Variants in SYNGR4 observed in about 807,000 individuals in gnomAD.
SYNGR4 encodes synaptogyrin-4.
Under a neutral mutation model 15.5 loss-of-function variants are expected in SYNGR4, and 15 were observed. The observed-to-expected ratio is 0.97, with a 90% CI of 0.65 to 1.49. The LOEUF is 1.49. SYNGR4 is among the 40% of genes most tolerant of loss of function. The pLI, the probability that SYNGR4 is intolerant of heterozygous loss-of-function variation, is 0.00. For synonymous variants in SYNGR4, 121 were observed against 127.4 expected (o/e 0.95, Z 0.34); for missense variants, 292 against 299.3 (o/e 0.98, Z 0.18).
chr19:48,374,941 A>G (rs1371805913), intron 3 of SYNGR4, among the ~76,000 whole-genome samples: 1 of 148,326 alleles, frequency 6.7e-6, no homozygotes, highest in Non-Finnish European at 1.5e-5. Context: ...GCGCCATGGC[A>G]CCCCAGCCTC....
chr19:48,373,672 C>T lies in SYNGR4; in HGVS notation c.249C>T (p.Phe83=), dbSNP rs140448036. Residue 83 remains phenylalanine (F), a synonymous_variant, in exon 3 of 5, where the codon TTC becomes TTT. Transcript: ENST00000344846. ...GFLAFLSCLA[F]LVLDTQETRI... is the part of the protein sequence containing the mutation. ...TGGCCTTCCTCAGCTGCCTGGCCTT[C>T]CTCGTCCTGGACACACAGGAGACCC... 2.8e-5 allele frequency: 45 copies of T among 1,613,978 alleles called. No homozygotes were observed. In the African/African-American group the frequency reaches 5.3e-4, roughly 19 times the overall value.
At chr19:48,368,503 C>T (rs1451267187) in intron 2 of SYNGR4, among the ~76,000 whole-genome samples, 4 of 151,892 alleles carry the variant, frequency 2.6e-5, no homozygotes, top group African/African-American at 9.7e-5. Context: ...CTTGTGCCTC[C>T]GGAGTAGCTG....
rs762510848 is a variant in SYNGR4 at position 48,375,704 on chromosome 19, C to T, written c.423C>T (p.Ser141=). Reference sequence around the variant, plus strand: ...CCAAAGAGTTCCTCCTGGGGAGCAGCAGTGCCCAGGCAGCCATCGCCTTCA... The same window carrying T: ...CCAAAGAGTTCCTCCTGGGGAGCAGTAGTGCCCAGGCAGCCATCGCCTTCA... ...SPPKEFLLGS[S]SAQAAIAFTF... Residue 141 remains serine (S), a synonymous_variant, in exon 4 of 5, where the codon AGC becomes AGT. Transcript: ENST00000344846. 1.9e-6 allele frequency: 3 copies of T among 1,614,088 alleles called. No individual in the cohort carries two copies. In the East Asian group the frequency reaches 6.7e-5, roughly 36 times the overall value.
At chr19:48,372,177 G>A (rs1440074217) in intron 2 of SYNGR4, among the ~76,000 whole-genome samples, 4 of 151,886 alleles carry the variant, frequency 2.6e-5, no homozygotes, top group African/African-American at 7.3e-5. Context: ...GAGCCACCTC[G>A]CCCAGCCACT....
chr19:48,373,526 C>T lies in SYNGR4; in HGVS notation c.103C>T (p.Leu35=). 2 of 1,613,544 alleles carry T rather than the reference C, an allele frequency of 1.2e-6. No homozygotes were observed. Among genetic ancestry groups the T allele is most frequent in the East Asian group, 2.2e-5 (1 of 44,888 alleles). The change falls in exon 3 of 5, where the codon CTG becomes TTG. Residue 35 remains leucine, a synonymous_variant. Transcript: ENST00000344846. ...CCCTGGAAATCCACAGGTCTTCTCC[C>T]TGATCGTCTTCTCCTCCCTGCTGAC... ...ITRVFEGVFS[L]IVFSSLLTDG...
At position 48,373,767 on chromosome 19, in the gene SYNGR4, G is replaced by A. The variant is rs2147409970; in HGVS notation, c.331+13G>A. On this transcript the variant is annotated intron_variant, in intron 3 of 4. Transcript: ENST00000344846. The stretch of plus-strand genomic sequence containing the variant: ...TTCATCCTGGCTGGTGAGCCCCCAG[G>A]ACCCCCAACCCAGAGCTGCCCCTCC... 6.2e-7 allele frequency: 1 copy of A among 1,612,692 alleles called. No homozygotes were observed. The highest frequency in any genetic ancestry group is 8.5e-7 in the Non-Finnish European group (1 of 1,179,356).
At chr19:48,372,688 C>T (rs1460603692) in intron 2 of SYNGR4, among the ~76,000 whole-genome samples, 1 of 151,828 alleles carries the variant, frequency 6.6e-6, no homozygotes, top group Non-Finnish European at 1.5e-5. Context: ...GTTACCAGAT[C>T]AGTGTCGTAG....
At chr19:48,371,511 A>C (rs375805819) in intron 2 of SYNGR4, among the ~76,000 whole-genome samples, 41 of 151,844 alleles carry the variant, frequency 2.7e-4, no homozygotes, top group African/African-American at 9.2e-4. Flanking sequence ...GAAGAGCAAG[A>C]GGTCAAGGGC....
chr19:48,367,157 G>T (rs1970235340), intron 2 of SYNGR4, among the ~76,000 whole-genome samples: 1 of 151,806 alleles, frequency 6.6e-6, no homozygotes, highest in Admixed American at 6.6e-5. Flanking sequence ...TTGTGGCTGG[G>T]CACGGTGGCT....
intron 2 of SYNGR4, among the ~76,000 whole-genome samples, chr19:48,368,812 C>G (rs997738024): frequency 6.6e-6 from 1 of 152,214 alleles, no homozygotes; most frequent in Admixed American, 6.5e-5. Flanking sequence ...AGCACCAGAT[C>G]TTTCGCTGGT....
At chr19:48,373,915 C>G (rs1162199500) in intron 3 of SYNGR4, among the ~76,000 whole-genome samples, 161 bp downstream of exon 3, 1 of 152,168 alleles carries the variant, frequency 6.6e-6, no homozygotes, top group African/African-American at 2.4e-5. Context: ...CCCAGAGCTT[C>G]TCACTGTGCC....
rs187090221 is a variant in SYNGR4 at position 48,376,186 on chromosome 19, C to G, written c.573C>G (p.Pro191=). The change falls in exon 5 of 5, where the codon CCC becomes CCG. Residue 191 remains proline (P), a synonymous_variant. Transcript: ENST00000344846. The part of the protein sequence containing the change: ...DEGGMVLTTL[P]LPSANSPVNM... ...GTGGCATGGTGCTGACCACCCTCCC[C>G]TTGCCCTCTGCCAACAGCCCTGTGA... 57 of 1,614,192 alleles carry G rather than the reference C, an allele frequency of 3.5e-5. No individual in the cohort carries two copies. In the Admixed American group the frequency reaches 4.8e-4, roughly 14 times the overall value.
intron 3 of SYNGR4, among the ~76,000 whole-genome samples, chr19:48,375,167 A>C (rs529603385): frequency 1.1e-4 from 16 of 151,668 alleles, no homozygotes; most frequent in African/African-American, 3.6e-4. Context: ...CTGGGACTAC[A>C]GGTGCCCGCC....
intron 2 of SYNGR4, among the ~76,000 whole-genome samples, chr19:48,366,839 A>G (rs139617852): frequency 0.015 from 2,230 of 152,266 alleles, 36 homozygotes; most frequent in Middle Eastern, 0.065. Context: ...CAACAGCCAC[A>G]TGTGGCTGGG....
intron 2 of SYNGR4, 87 bp downstream of exon 2, chr19:48,366,022 G>A: frequency 7.2e-7 from 1 of 1,390,584 alleles, no homozygotes; most frequent in East Asian, 2.3e-5. Context: ...GAGATGGGAG[G>A]ACAAGGAAGG....
At chr19:48,373,441 C>T (rs951125839) in intron 2 of SYNGR4, 76 bp from the exon 3 acceptor site, 12 of 1,289,618 alleles carry the variant, frequency 9.3e-6, no homozygotes, top group Non-Finnish European at 1.3e-5. Flanking sequence ...TACGGAAAGA[C>T]CGACAGCACC....
chr19:48,365,690 C>T, intron 1 of SYNGR4, 46 bp from the exon 2 acceptor site: 1 of 591,880 alleles, frequency 1.7e-6, no homozygotes, highest in Non-Finnish European at 2.8e-6. Context: ...ACAGCCCTTC[C>T]ACCCCGTGCC....
Position 48,376,252 on chromosome 19 carries a change from CT to C in SYNGR4, c.640del (p.Ser214LeufsTer7). 1 of 1,614,062 alleles carries C rather than the reference CT, an allele frequency of 6.2e-7. No homozygotes were observed. Among genetic ancestry groups the C allele is most frequent in the Admixed American group, 1.7e-5 (1 of 59,988 alleles). ...GCCCCAACAGCCTGAGTTATGCTAG[CT>C]CTGCCCTGTCCCCCTGTCTGACCGC... ...TGPNSLSYAS[S>X]ALSPCLTAPK... On this transcript the variant is annotated frameshift_variant, in exon 5 of 5. Coordinates refer to ENST00000344846, the MANE Select transcript of SYNGR4 (RefSeq NM_012451.4). LOFTEE classifies it high-confidence loss of function.
chr19:48,365,072 C>G (rs1970172756), intron 1 of SYNGR4, among the ~76,000 whole-genome samples: 1 of 150,520 alleles, frequency 6.6e-6, no homozygotes, highest in Admixed American at 6.6e-5. Context: ...CCTCACCTCT[C>G]TGGAATCCTC....
Sources: gnomAD v4.1 joint callset for allele counts (sites outside exome capture counted in the v4.1 genomes callset) on GRCh38, gnomAD v4.1.1 for gene constraint, MANE v1.5 for transcripts, NCBI Gene and HGNC (gene_info 2026-07-23, HGNC 2026-07-21) for gene names.